ERLIN2: variants seen among roughly 807,000 people sequenced by gnomAD.
The protein encoded by ERLIN2 is ER lipid raft associated 2, also known as erlin-2.
ERLIN2 carries 22 observed loss-of-function variants against 41.5 expected under a neutral mutation model. The ratio of observed to expected loss-of-function variants is 0.53; its 90% CI spans 0.38 to 0.76. The LOEUF (loss-of-function observed/expected upper bound fraction) is 0.76, where lower values mean the gene tolerates loss of function less well. Ranked by LOEUF, ERLIN2 falls within the 30% of genes least tolerant of loss-of-function variation. The pLI is 0.00. For synonymous variants in ERLIN2, 149 were observed against 150.9 expected (o/e 0.99, Z 0.09); for missense variants, 247 against 414.3 (o/e 0.60, Z 3.51).
chr8:37,740,415 T>C lies in ERLIN2; in HGVS notation c.158T>C (p.Leu53Pro). 1.2e-6 allele frequency: 2 copies of C among 1,613,250 alleles called. No individual in the cohort carries two copies. The highest frequency in any genetic ancestry group is 1.7e-6 in the Non-Finnish European group (2 of 1,179,532). The stretch of plus-strand genomic sequence containing the variant: ...AGCGGCCCTGGTTTCCATCTCATGC[T>C]CCCTTTCATCACATCATATAAGTCT... ...STSGPGFHLM[L>P]PFITSYKSVQ... The change falls in exon 3 of 12, where the codon CTC becomes CCC. Residue 53 changes from leucine to proline, a missense_variant. Physicochemically the swap from Leu to Pro is moderately conservative, Grantham distance 98. Around this residue, in one of 3 missense-constraint regions of ERLIN2, gnomAD observed 93 missense variants for 139.0 expected, o/e 0.67. Coordinates refer to ENST00000519638, the MANE Select transcript of ERLIN2 (RefSeq NM_007175.8).
Position 37,741,894 on chromosome 8 carries a change from C to G in ERLIN2, c.236+76C>G. 8.5e-7 allele frequency: 1 copy of G among 1,178,874 alleles called. No homozygotes were observed. The highest frequency in any genetic ancestry group is 1.3e-6 in the Non-Finnish European group (1 of 784,860). 73.0% of individuals were successfully genotyped at this position (1,178,874 alleles called of 1,614,324 possible). On this transcript the variant is annotated intron_variant, in intron 4 of 11. Coordinates refer to ENST00000519638, the MANE Select transcript of ERLIN2 (RefSeq NM_007175.8). This position sits in a 1 kb window ranked among gnomAD's most constrained non-coding sequence, Gnocchi z 4.8. ...CTGTCTGGCTGGTTGCAGGAAGAGACAGTGAAAAGGGAGGCACCCTTTCTT... is the reference window on the plus strand; with the variant it reads ...CTGTCTGGCTGGTTGCAGGAAGAGAGAGTGAAAAGGGAGGCACCCTTTCTT...
intron 10 of ERLIN2, among the ~76,000 whole-genome samples, chr8:37,752,935 G>A (rs559380240): frequency 2.0e-5 from 3 of 152,342 alleles, no homozygotes; most frequent in African/African-American, 4.8e-5. Flanking sequence ...GTTGGAGAGG[G>A]ACTGAACTAT....
rs901646638 is a variant in ERLIN2 at position 37,744,406 on chromosome 8, C to G, written c.288C>G (p.Val96=). 6 of 1,613,952 alleles carry G rather than the reference C, an allele frequency of 3.7e-6. No individual in the cohort carries two copies. The South Asian group carries it at 6.6e-5, about 18-fold the overall frequency. ...FDRIEVVNFL[V]PNAVYDIVKN... is the part of the protein sequence containing the mutation. ...GAATTGAAGTGGTGAACTTCCTGGT[C>G]CCGAACGCAGGTACGTCTTAACAGT... The change falls in exon 5 of 12, where the codon GTC becomes GTG. Residue 96 remains valine (V), a synonymous_variant. Coordinates refer to ENST00000519638, the MANE Select transcript of ERLIN2 (RefSeq NM_007175.8).
In ERLIN2 at chr8:37,750,491, GAA is replaced by G; in HGVS notation, c.649+6_649+7del. Reference sequence around the variant, plus strand: ...AGCGGAAGAAGGCGCTCATTGGTCTGAATGTGGTTCTGTGATCCCCCTTTCCA... The same window carrying G: ...AGCGGAAGAAGGCGCTCATTGGTCTGTGTGGTTCTGTGATCCCCCTTTCCA... On this transcript the variant is annotated splice_donor_region_variant and intron_variant, in intron 9 of 11. Transcript: ENST00000519638. 6.2e-7 allele frequency: 1 copy of G among 1,610,262 alleles called. No individual in the cohort carries two copies. The highest frequency in any genetic ancestry group is 8.5e-7 in the Non-Finnish European group (1 of 1,177,456).
At position 37,741,826 on chromosome 8, in the gene ERLIN2, A is replaced by G. The variant is rs1248761060; in HGVS notation, c.236+8A>G. The G allele has an allele frequency of 2.3e-5, 37 of 1,609,286 alleles. No individual in the cohort carries two copies. The highest frequency in any genetic ancestry group is 3.1e-5 in the Non-Finnish European group (36 of 1,175,684). ...TGTACCTTGTGGGACTAGGTAAGGT[A>G]CCCAGAATAAAGCTTTTAAGCCCAA... On this transcript the variant is annotated splice_region_variant and intron_variant, in intron 4 of 11. Transcript: ENST00000519638. The surrounding 1 kb of genome is among the most constrained non-coding windows in gnomAD (Gnocchi z 4.8).
chr8:37,743,035 G>A (rs111441718), intron 4 of ERLIN2, among the ~76,000 whole-genome samples: 8,431 of 152,194 alleles, frequency 0.055, 785 homozygotes, highest in African/African-American at 0.19. Context: ...GGGATAGAGT[G>A]ACAAAGAATA....
chr8:37,738,676 A>G (rs1217664854), intron 2 of ERLIN2, among the ~76,000 whole-genome samples: 3 of 152,222 alleles, frequency 2.0e-5, no homozygotes, highest in Non-Finnish European at 2.9e-5. Flanking sequence ...ACCTGAGCCC[A>G]GGAGATTGAG....
intron 6 of ERLIN2, chr8:37,748,012 A>G: frequency 6.2e-7 from 1 of 1,610,836 alleles, no homozygotes; most frequent in Non-Finnish European, 8.5e-7. Flanking sequence ...CATGGTTTCC[A>G]GGAGCAACCT....
intron 7 of ERLIN2, 57 bp downstream of exon 7, chr8:37,749,689 C>G: frequency 1.9e-6 from 3 of 1,540,070 alleles, no homozygotes; most frequent in Non-Finnish European, 2.7e-6. Flanking sequence ...TCCCTTCTCC[C>G]AAGGGATGTC....
At chr8:37,753,275 A>G (rs949868390) in intron 10 of ERLIN2, among the ~76,000 whole-genome samples, 175 bp from the exon 11 acceptor site, 7 of 152,362 alleles carry the variant, frequency 4.6e-5, no homozygotes, top group Middle Eastern at 6.8e-3. Context: ...CAACTTGTAC[A>G]ATAGGGGAAA....
In ERLIN2 at chr8:37,754,204, C is replaced by A; in HGVS notation, c.*89C>A. ...ATGTTCCTCCCTCCCCGACTACCTT[C>A]TCTGACTGTCTTCCAGTTACTGTGG... On this transcript the variant is annotated 3_prime_UTR_variant, in exon 12 of 12. Transcript: ENST00000519638. 2.1e-6 allele frequency: 2 copies of A among 930,844 alleles called. No homozygotes were observed. Among genetic ancestry groups the A allele is most frequent in the Non-Finnish European group, 3.4e-6 (2 of 581,250 alleles). The allele number at this position is 930,844 out of a possible 1,614,324, so 57.7% of individuals were successfully genotyped here. A position where few individuals can be genotyped will look rare whatever the true frequency, so the allele number is the denominator to read the frequency against.
intron 8 of ERLIN2, 105 bp from the exon 9 acceptor site, chr8:37,750,290 G>A: frequency 1.2e-6 from 1 of 853,330 alleles, no homozygotes; most frequent in South Asian, 1.4e-5. Context: ...AGGAGGAGTA[G>A]GAAATGGGAG....
At chr8:37,752,497 C>T (rs1010203542) in intron 10 of ERLIN2, among the ~76,000 whole-genome samples, 6 of 152,206 alleles carry the variant, frequency 3.9e-5, no homozygotes, top group East Asian at 3.8e-4. Context: ...CAAAGCAACA[C>T]GTTTTTATTT....
intron 2 of ERLIN2, among the ~76,000 whole-genome samples, chr8:37,738,933 G>A (rs993561337): frequency 2.0e-5 from 3 of 152,084 alleles, no homozygotes; most frequent in Admixed American, 6.5e-5. Context: ...AGAGCCTGCA[G>A]GTTGACTTAC....
chr8:37,755,299 A>G lies in ERLIN2; in HGVS notation c.*1184A>G, dbSNP rs1803329124. The G allele has an allele frequency of 6.6e-6, 1 of 152,236 alleles. No homozygotes were observed. Among genetic ancestry groups the G allele is most frequent in the Admixed American group, 6.5e-5 (1 of 15,278 alleles). The allele number at this position is 152,236 out of a possible 1,614,324, so 9.4% of individuals were successfully genotyped here. ...GAATGGCTGTGCCAAAATCCATTCA[A>G]AGGGTTTTCTTTTTCATTACTAGGT... On this transcript the variant is annotated 3_prime_UTR_variant, in exon 12 of 12. Coordinates refer to ENST00000519638, the MANE Select transcript of ERLIN2 (RefSeq NM_007175.8).
chr8:37,754,035 A>C lies in ERLIN2; in HGVS notation c.940A>C (p.Lys314Gln). The C allele has an allele frequency of 6.2e-7, 1 of 1,614,150 alleles. No individual in the cohort carries two copies. Among genetic ancestry groups the C allele is most frequent in the Non-Finnish European group, 8.5e-7 (1 of 1,179,984 alleles). ...CATGGACTCTGCGGGCAGTGTGAGC[A>C]AGCAGTTTGAGGGGCTAGCTGACAA... ...MFMDSAGSVS[K>Q]QFEGLADKLS... The change falls in exon 12 of 12, where the codon AAG becomes CAG. Residue 314 changes from lysine to glutamine, a missense_variant. This residue lies in a region of ERLIN2 where 153 missense variants were observed against 256.4 expected (regional missense o/e 0.60). Coordinates refer to ENST00000519638, the MANE Select transcript of ERLIN2 (RefSeq NM_007175.8).
At chr8:37,745,566 T>A in intron 6 of ERLIN2, 2 of 1,613,910 alleles carry the variant, frequency 1.2e-6, no homozygotes, top group Non-Finnish European at 1.7e-6. Context: ...TTCTTGACAC[T>A]AGGACTGGAA....
intron 6 of ERLIN2, chr8:37,747,957 G>A (rs760500284): frequency 3.1e-6 from 5 of 1,614,046 alleles, no homozygotes; most frequent in South Asian, 1.1e-5. Flanking sequence ...ATTCCTCCCG[G>A]TCCCGAGTGT....
Position 37,749,864 on chromosome 8 carries a change from C to G in ERLIN2, c.557+12C>G. 1.2e-6 allele frequency: 2 copies of G among 1,613,196 alleles called. No homozygotes were observed. Among genetic ancestry groups the G allele is most frequent in the Non-Finnish European group, 1.7e-6 (2 of 1,179,120 alleles). ...AACTACGAGTTGATGTGAGTATACC[C>G]TCCGCCTGGGCTGTGACCACCACTG... is the stretch of plus-strand genomic sequence containing the variant. On this transcript the variant is annotated intron_variant, in intron 8 of 11. Transcript: ENST00000519638.
Sources: allele counts gnomAD v4.1 joint callset (sites outside exome capture counted in the v4.1 genomes callset), GRCh38; gene constraint gnomAD v4.1.1; regional missense constraint gnomAD v4.1.1; non-coding constraint Gnocchi (gnomAD v3.1); transcripts MANE v1.5; gene names NCBI Gene and HGNC (gene_info 2026-07-23, HGNC 2026-07-21).